PLCL1: variants seen among roughly 807,000 people sequenced by gnomAD.
PLCL1 encodes inactive phospholipase C-like protein 1.
A neutral mutation model predicts 84.4 loss-of-function variants in PLCL1; 41 were observed. That is an observed-to-expected ratio of 0.49 (90% CI 0.38 to 0.63). PLCL1 has a LOEUF of 0.63. Ranked by LOEUF, PLCL1 falls within the 30% of genes least tolerant of loss-of-function variation. PLCL1 has a pLI of 0.00. For synonymous variants in PLCL1, 490 were observed against 488.3 expected (o/e 1.00, Z -0.05); for missense variants, 1,206 against 1,367.8 (o/e 0.88, Z 1.87).
chr2:198,003,955 G>T, intron 1 of PLCL1, among the ~76,000 whole-genome samples: 1 of 152,092 alleles, frequency 6.6e-6, no homozygotes, highest in East Asian at 1.9e-4. Flanking sequence ...CTTAATTTAT[G>T]CCTCAAAGTG....
chr2:198,007,504 A>C (rs1396265893), intron 1 of PLCL1, among the ~76,000 whole-genome samples: 1 of 152,168 alleles, frequency 6.6e-6, no homozygotes, highest in Non-Finnish European at 1.5e-5. Flanking sequence ...AAAAATAGCT[A>C]ATTTACAATA....
At chr2:197,944,363 G>T (rs976640167) in intron 1 of PLCL1, among the ~76,000 whole-genome samples, 1 of 152,110 alleles carries the variant, frequency 6.6e-6, no homozygotes, top group Non-Finnish European at 1.5e-5. Flanking sequence ...TCTATTTTCA[G>T]CAGTGGATCT....
intron 1 of PLCL1, among the ~76,000 whole-genome samples, chr2:197,894,740 C>A (rs1688100448): frequency 1.3e-5 from 2 of 151,932 alleles, no homozygotes; most frequent in Non-Finnish European, 2.9e-5. Context: ...TTTAAAGCTG[C>A]AGCCAAGTGA....
Position 197,869,325 on chromosome 2 carries a change from G to A in PLCL1, c.240+63986G>A, listed in dbSNP as rs76305537. Among the ~76,000 whole-genome samples, 1,027 of 151,946 alleles carry A rather than the reference G, an allele frequency of 6.8e-3. 15 individuals carry two copies. Among genetic ancestry groups the A allele is most frequent in the African/African-American group, 0.023 (964 of 41,462 alleles). ...TTTTAAGAGCAATACACTTCTTAGA[G>A]GAACTTAATAATAACCTCCTCTGAC... On this transcript the variant is annotated intron_variant, in intron 1 of 5. Coordinates refer to ENST00000428675, the MANE Select transcript of PLCL1 (RefSeq NM_006226.4).
intron 1 of PLCL1, among the ~76,000 whole-genome samples, chr2:197,986,496 A>G (rs1002314374): frequency 2.6e-5 from 4 of 152,150 alleles, no homozygotes; most frequent in East Asian, 1.9e-4. Context: ...GACTATAGTC[A>G]TGCACCACAA....
chr2:198,127,174 C>T (rs953463027), intron 5 of PLCL1, among the ~76,000 whole-genome samples: 1 of 152,028 alleles, frequency 6.6e-6, no homozygotes, highest in African/African-American at 2.4e-5. Context: ...TTTCAATTGC[C>T]CTTCCATCCA....
At chr2:198,116,239 C>A (rs1272827585) in intron 5 of PLCL1, among the ~76,000 whole-genome samples, 1 of 151,558 alleles carries the variant, frequency 6.6e-6, no homozygotes, top group Non-Finnish European at 1.5e-5. Flanking sequence ...TTTCTTATTT[C>A]AAGTAGATAC....
At chr2:197,825,118 G>T (rs1690903795) in intron 1 of PLCL1, among the ~76,000 whole-genome samples, 1 of 152,048 alleles carries the variant, frequency 6.6e-6, no homozygotes, top group Admixed American at 6.6e-5. Flanking sequence ...AAGTCAGTGG[G>T]TGGAGGAGGA....
At position 197,805,220 on chromosome 2, in the gene PLCL1, C is replaced by G. The variant is rs1690446058; in HGVS notation, c.121C>G (p.Arg41Gly). ...CTGCGTGACGGCGGCCTCTGGGGGC[C>G]GGATGAGGGACCGTCGCAGCGGGGT... The part of the protein sequence containing the change: ...GDCVTAASGG[R>G]MRDRRSGVAL... Residue 41 changes from arginine to glycine, a missense_variant, in exon 1 of 6, where the codon CGG becomes GGG. Coordinates refer to ENST00000428675, the MANE Select transcript of PLCL1 (RefSeq NM_006226.4). The surrounding 1 kb of genome is among the most constrained non-coding windows in gnomAD (Gnocchi z 4.0). 2.4e-6 allele frequency: 3 copies of G among 1,274,476 alleles called. No individual in the cohort carries two copies. Among genetic ancestry groups the G allele is most frequent in the Non-Finnish European group, 3.0e-6 (3 of 1,012,366 alleles). The allele number at this position is 1,274,476 out of a possible 1,614,324, so 78.9% of individuals were successfully genotyped here.
intron 1 of PLCL1, among the ~76,000 whole-genome samples, chr2:197,998,027 A>G (rs1261085760): frequency 6.6e-6 from 1 of 152,124 alleles, no homozygotes; most frequent in Non-Finnish European, 1.5e-5. Context: ...GATAAGGCAA[A>G]TGGAGGAGAA....
At chr2:198,026,294 G>A (rs1230635986) in intron 1 of PLCL1, among the ~76,000 whole-genome samples, 2 of 152,148 alleles carry the variant, frequency 1.3e-5, no homozygotes, top group Admixed American at 6.6e-5. Flanking sequence ...TCAAGATAGG[G>A]ATGTAAAATG....
intron 1 of PLCL1, among the ~76,000 whole-genome samples, chr2:198,042,708 C>T (rs1053981872): frequency 2.6e-5 from 4 of 152,100 alleles, no homozygotes; most frequent in Non-Finnish European, 5.9e-5. Context: ...GATGGAACAT[C>T]CAAGTGGAAA....
chr2:197,834,364 C>T (rs1229031101), intron 1 of PLCL1, among the ~76,000 whole-genome samples: 1 of 152,078 alleles, frequency 6.6e-6, no homozygotes, highest in East Asian at 1.9e-4. Context: ...AGTGAACAGG[C>T]AACCTACAGA....
In PLCL1 at chr2:198,084,134, A is replaced by G. The variant is rs149682289; in HGVS notation, c.617A>G (p.Asn206Ser). ...ENYESLDLVA[N>S]SADVANIWVS... Reference sequence around the variant, plus strand: ...TATGAGTCTCTGGACCTAGTTGCCAATTCAGCAGATGTGGCAAACATCTGG... The same window carrying G: ...TATGAGTCTCTGGACCTAGTTGCCAGTTCAGCAGATGTGGCAAACATCTGG... Residue 206 changes from asparagine (N) to serine (S), a missense_variant, in exon 2 of 6, where the codon AAT becomes AGT. Coordinates refer to ENST00000428675, the MANE Select transcript of PLCL1 (RefSeq NM_006226.4). 7.4e-6 allele frequency: 12 copies of G among 1,614,018 alleles called. No individual in the cohort carries two copies. In the African/African-American group the frequency reaches 1.3e-4, roughly 18 times the overall value.
At chr2:197,910,679 G>A (rs970828833) in intron 1 of PLCL1, among the ~76,000 whole-genome samples, 5 of 152,034 alleles carry the variant, frequency 3.3e-5, no homozygotes, top group South Asian at 2.1e-4. Flanking sequence ...CCGGCAACCC[G>A]AAAATATCCC....
intron 1 of PLCL1, among the ~76,000 whole-genome samples, chr2:197,834,268 A>G (rs968187108): frequency 2.0e-5 from 3 of 152,198 alleles, no homozygotes; most frequent in Non-Finnish European, 4.4e-5. Flanking sequence ...CTAAAACACC[A>G]AAACAATGGC....
At chr2:198,059,060 A>G (rs1208139468) in intron 1 of PLCL1, among the ~76,000 whole-genome samples, 1 of 152,142 alleles carries the variant, frequency 6.6e-6, no homozygotes, top group Non-Finnish European at 1.5e-5. Flanking sequence ...AGTTCATATA[A>G]TTACTACCCC....
chr2:197,924,219 T>C (rs1574951550), intron 1 of PLCL1, among the ~76,000 whole-genome samples: 1 of 151,764 alleles, frequency 6.6e-6, no homozygotes, highest in Non-Finnish European at 1.5e-5. Context: ...AGGCAAGTGC[T>C]TCACTAGCTT....
chr2:198,120,205 G>T lies in PLCL1; in HGVS notation c.3105+16269G>T, dbSNP rs114210943. On this transcript the variant is annotated intron_variant, in intron 5 of 5. Transcript: ENST00000428675. Reference sequence around the variant, plus strand: ...AAAAAATAATTTTTGTGGGTACATAGGTGTATATATTTGTGGGGTACATAA... The same window carrying T: ...AAAAAATAATTTTTGTGGGTACATATGTGTATATATTTGTGGGGTACATAA... Among the ~76,000 whole-genome samples the T allele has an allele frequency of 1.6e-3, 248 of 151,996 alleles. 2 individuals are homozygous for T. The highest frequency in any genetic ancestry group is 5.7e-3 in the African/African-American group (235 of 41,478).
Sources: allele counts gnomAD v4.1 joint callset (sites outside exome capture counted in the v4.1 genomes callset), GRCh38; gene constraint gnomAD v4.1.1; non-coding constraint Gnocchi (gnomAD v3.1); transcripts MANE v1.5; gene names NCBI Gene and HGNC (gene_info 2026-07-23, HGNC 2026-07-21).